Variants in TMOD2 observed in about 807,000 individuals in gnomAD.
TMOD2 encodes the protein tropomodulin-2.
TMOD2 carries 22 observed loss-of-function variants against 39.9 expected under a neutral mutation model. The ratio of observed to expected loss-of-function variants is 0.55; its 90% CI spans 0.39 to 0.79. TMOD2 has a LOEUF of 0.79. Among genes scored for constraint, TMOD2 ranks in the 30% least tolerant of loss-of-function variants. The probability of loss-of-function intolerance (pLI) is 0.00; values close to 1 mark genes in which losing one functional copy is unlikely to be tolerated. For missense variants in TMOD2, 386 were observed against 413.3 expected (o/e 0.93, Z 0.57); for synonymous variants, 123 against 146.1 (o/e 0.84, Z 1.14).
chr15:51,801,235 TCTCACACACA>T (rs1382526566), intron 8 of TMOD2, among the ~76,000 whole-genome samples: 28 of 108,984 alleles, frequency 2.6e-4, no homozygotes, highest in South Asian at 1.7e-3. Context: ...TCTCTCTCTC[TCTCACACACA>T]CACACACACA....
rs114715430 is a variant in TMOD2, at chr15:51,798,508, A to G, written c.876+168A>G. On this transcript the variant is annotated intron_variant, in intron 8 of 9. Coordinates refer to ENST00000249700, the MANE Select transcript of TMOD2 (RefSeq NM_014548.4). The stretch of plus-strand genomic sequence containing the variant: ...TTTCTGGCCCATGGAGGATGTGCAG[A>G]AGAGCATGTTACTAATCAAACAATG... Among the ~76,000 whole-genome samples the G allele has an allele frequency of 3.1e-3, 474 of 152,314 alleles. 1 individual carries two copies. Among genetic ancestry groups the G allele is most frequent in the African/African-American group, 0.011 (459 of 41,574 alleles).
intron 7 of TMOD2, 147 bp from the exon 8 acceptor site, chr15:51,798,050 T>A: frequency 3.1e-6 from 2 of 645,354 alleles, no homozygotes. Context: ...TGTATCTTTG[T>A]TACTTGGAGG....
intron 1 of TMOD2, among the ~76,000 whole-genome samples, chr15:51,756,711 C>G (rs989970713): frequency 5.9e-5 from 9 of 152,214 alleles, no homozygotes; most frequent in African/African-American, 2.2e-4. Context: ...GCTCTGCATT[C>G]TAGTAAGATC....
chr15:51,791,426 C>T (rs2056011054), intron 7 of TMOD2, among the ~76,000 whole-genome samples: 1 of 152,200 alleles, frequency 6.6e-6, no homozygotes, highest in African/African-American at 2.4e-5. Context: ...AATGGCCACA[C>T]TGCCCAAAGT....
intron 8 of TMOD2, among the ~76,000 whole-genome samples, chr15:51,803,948 A>T (rs1332554143): frequency 3.3e-5 from 5 of 152,282 alleles, no homozygotes; most frequent in Non-Finnish European, 7.3e-5. Context: ...ATAGACAAAG[A>T]TTAAAAAGGT....
chr15:51,752,265 A>G (rs1291600103), intron 1 of TMOD2, among the ~76,000 whole-genome samples: 2 of 152,030 alleles, frequency 1.3e-5, no homozygotes, highest in Non-Finnish European at 2.9e-5. Flanking sequence ...CCTTATTATT[A>G]TTGTTATTAC....
chr15:51,785,183 C>T (rs553340968), intron 7 of TMOD2, among the ~76,000 whole-genome samples: 12 of 151,964 alleles, frequency 7.9e-5, no homozygotes, highest in African/African-American at 1.9e-4. Context: ...GAGGCCGAGG[C>T]GGGTGGATCA....
intron 7 of TMOD2, among the ~76,000 whole-genome samples, chr15:51,796,880 T>C (rs1316148570): frequency 3.9e-5 from 6 of 152,190 alleles, no homozygotes; most frequent in African/African-American, 7.2e-5. Context: ...GAGGATCATC[T>C]ACCTCCGGTG....
chr15:51,780,032 C>G (rs927695182), intron 5 of TMOD2, among the ~76,000 whole-genome samples: 1 of 152,148 alleles, frequency 6.6e-6, no homozygotes, highest in Non-Finnish European at 1.5e-5. Context: ...CGTGATGATG[C>G]TATACTTTAT....
intron 7 of TMOD2, among the ~76,000 whole-genome samples, chr15:51,796,939 C>T (rs2056055199): frequency 6.6e-6 from 1 of 152,160 alleles, no homozygotes; most frequent in Non-Finnish European, 1.5e-5. Context: ...ATGTCAAAAG[C>T]AGACAGTGTC....
chr15:51,782,740 T>G lies in TMOD2; in HGVS notation c.644T>G (p.Leu215Arg). The G allele has an allele frequency of 6.2e-7, 1 of 1,613,940 alleles. No homozygotes were observed. The highest frequency in any genetic ancestry group is 8.5e-7 in the Non-Finnish European group (1 of 1,179,810). ...TCTTAGAACATTCCAATTCCAACCCTGAGGGAATTTGCAAAGGCTCTGGAG... is the reference window on the plus strand; with the variant it reads ...TCTTAGAACATTCCAATTCCAACCCGGAGGGAATTTGCAAAGGCTCTGGAG... ...NNIKNIPIPT[L>R]REFAKALETN... The change falls in exon 7 of 10, where the codon CTG (leucine) becomes CGG (arginine). Residue 215 changes from leucine to arginine, a missense_variant. By Grantham distance (102) the Leu-to-Arg change is moderately radical. Transcript: ENST00000249700.
At position 51,815,731 on chromosome 15, in the gene TMOD2, T is replaced by C. The variant is rs1311923165; in HGVS notation, c.*7277T>C. 6.6e-6 allele frequency: 1 copy of C among 152,258 alleles called. No homozygotes were observed. Among genetic ancestry groups the C allele is most frequent in the Admixed American group, 6.5e-5 (1 of 15,286 alleles). The allele number at this position is 152,258 out of a possible 1,614,324, so 9.4% of individuals were successfully genotyped here. On this transcript the variant is annotated 3_prime_UTR_variant, in exon 10 of 10. Transcript: ENST00000249700. ...TTATATTTTAATTAAGCATTTATTT[T>C]AGTTGTTTTCATCCATTCAAGCAAA... is the stretch of plus-strand genomic sequence containing the variant.
Position 51,773,753 on chromosome 15 carries a change from A to G in TMOD2, c.325A>G (p.Lys109Glu), listed in dbSNP as rs1180248004. The G allele has an allele frequency of 6.2e-7, 1 of 1,612,878 alleles. No homozygotes were observed. The highest frequency in any genetic ancestry group is 8.5e-7 in the Non-Finnish European group (1 of 1,179,676). The change falls in exon 4 of 10, where the codon AAA becomes GAA. Residue 109 changes from lysine (K) to glutamate (E), a missense_variant. Transcript: ENST00000249700. The part of the protein sequence containing the change: ...IPKEKPIETR[K>E]EEKVTLDPEL... ...TAAAGAAAAGCCTATAGAAACTCGT[A>G]AAGAAGAAAAAGTGACCCTTGACCC...
rs1196555751 is a variant in TMOD2, at chr15:51,798,348, A to G, written c.876+8A>G. Reference sequence around the variant, plus strand: ...ATCAAGATTGACAACCAGGTAAGGAAGGCCAGAGAATAGGCAAAGTCAACT... The same window carrying G: ...ATCAAGATTGACAACCAGGTAAGGAGGGCCAGAGAATAGGCAAAGTCAACT... On this transcript the variant is annotated splice_region_variant and intron_variant, in intron 8 of 9. Transcript: ENST00000249700. 3 of 1,613,160 alleles carry G rather than the reference A, an allele frequency of 1.9e-6. No homozygotes were observed. The South Asian group carries it at 3.3e-5, about 18-fold the overall frequency.
chr15:51,754,646 G>A (rs571669407), intron 1 of TMOD2, among the ~76,000 whole-genome samples: 5 of 152,332 alleles, frequency 3.3e-5, no homozygotes, highest in Admixed American at 2.0e-4. Flanking sequence ...CTCTCAGTCA[G>A]TATTCCCCAA....
chr15:51,760,049 G>A (rs1345894540), intron 1 of TMOD2, among the ~76,000 whole-genome samples: 1 of 152,232 alleles, frequency 6.6e-6, no homozygotes, highest in Non-Finnish European at 1.5e-5. Context: ...AGTCTAAATA[G>A]ATCATCTTCC....
At chr15:51,779,779 CA>C (rs1415578822) in intron 5 of TMOD2, among the ~76,000 whole-genome samples, 1 of 152,030 alleles carries the variant, frequency 6.6e-6, no homozygotes, top group Admixed American at 6.5e-5. Flanking sequence ...CTCCTGGGAT[CA>C]AGGGATTCTC....
chr15:51,762,962 G>A (rs1285034104), intron 1 of TMOD2, among the ~76,000 whole-genome samples: 1 of 152,110 alleles, frequency 6.6e-6, no homozygotes, highest in South Asian at 2.1e-4. Context: ...TAGGGACAGG[G>A]TCTTATTCTG....
At chr15:51,762,018 G>A (rs571970238) in intron 1 of TMOD2, among the ~76,000 whole-genome samples, 45 of 151,852 alleles carry the variant, frequency 3.0e-4, no homozygotes, top group Non-Finnish European at 5.6e-4. Context: ...GCGTGGTGGC[G>A]GGCACCTGTA....
Sources: allele counts gnomAD v4.1 joint callset (sites outside exome capture counted in the v4.1 genomes callset), GRCh38; gene constraint gnomAD v4.1.1; transcripts MANE v1.5; gene names NCBI Gene and HGNC (gene_info 2026-07-23, HGNC 2026-07-21).